The following MEIS2 variants were observed in gnomAD, a reference collection of about 807,000 sequenced individuals.
The protein encoded by MEIS2 is Meis homeobox 2.
In MEIS2, 9 loss-of-function variants were observed where a neutral mutation model predicts 58.6. The observed-to-expected ratio is 0.15, with a 90% CI of 0.09 to 0.27. The LOEUF (loss-of-function observed/expected upper bound fraction) is 0.27. Among genes scored for constraint, MEIS2 ranks in the 10% least tolerant of loss-of-function variants. The probability of loss-of-function intolerance (pLI) is 1.00; values close to 1 mark genes in which losing one functional copy is unlikely to be tolerated. For missense variants in MEIS2, 427 were observed against 635.0 expected (o/e 0.67, Z 3.52); for synonymous variants, 221 against 228.4 (o/e 0.97, Z 0.29).
intron 9 of MEIS2, among the ~76,000 whole-genome samples, chr15:36,940,375 G>T (rs986689748): frequency 4.6e-5 from 7 of 152,098 alleles, no homozygotes; most frequent in African/African-American, 1.7e-4. Context: ...AATTTGTAAT[G>T]TGTAGAAGGG....
chr15:36,933,388 T>C (rs2058051640), intron 9 of MEIS2, among the ~76,000 whole-genome samples: 1 of 152,186 alleles, frequency 6.6e-6, no homozygotes, highest in African/African-American at 2.4e-5. Flanking sequence ...TGCCTGAGAA[T>C]CTAGTCACTG....
intron 8 of MEIS2, among the ~76,000 whole-genome samples, chr15:37,022,864 C>A (rs1053536553): frequency 6.6e-6 from 1 of 151,420 alleles, no homozygotes; most frequent in East Asian, 2.0e-4. Context: ...ACCATCTTGG[C>A]CAGGCTGGTC....
intron 8 of MEIS2, among the ~76,000 whole-genome samples, chr15:37,020,344 AGG>A (rs2061483049): frequency 6.6e-6 from 1 of 152,178 alleles, no homozygotes; most frequent in African/African-American, 2.4e-5. Context: ...AAAGAAAGAG[AGG>A]AAAAAAATCC....
At chr15:36,932,346 A>G (rs143778140) in intron 9 of MEIS2, among the ~76,000 whole-genome samples, 19 of 152,308 alleles carry the variant, frequency 1.2e-4, no homozygotes, top group African/African-American at 4.3e-4. Context: ...TCAGGCCTCT[A>G]TAGTGGCCCT....
intron 8 of MEIS2, among the ~76,000 whole-genome samples, chr15:36,990,985 T>G (rs1036006615): frequency 6.6e-6 from 1 of 152,226 alleles, no homozygotes; most frequent in African/African-American, 2.4e-5. Flanking sequence ...TTATTTTCTG[T>G]GAGTCAAGGG....
chr15:37,095,582 A>G lies in MEIS2; in HGVS notation c.420T>C (p.Asn140=), dbSNP rs774911252. Residue 140 remains asparagine, a synonymous_variant, in exon 4 of 12, where the codon AAT becomes AAC. Coordinates refer to ENST00000561208, the MANE Select transcript of MEIS2 (RefSeq NM_170675.5). ...VRAEKPLFSS[N]PELDNLMIQA... Reference sequence around the variant, plus strand: ...GCCTTACCAAATTGTCCAGCTCTGGATTTGAGGAAAAAAGTGGCTTTTCGG... The same window carrying G: ...GCCTTACCAAATTGTCCAGCTCTGGGTTTGAGGAAAAAAGTGGCTTTTCGG... 1.2e-6 allele frequency: 2 copies of G among 1,614,204 alleles called. No homozygotes were observed. The highest frequency in any genetic ancestry group is 1.7e-6 in the Non-Finnish European group (2 of 1,180,036).
intron 9 of MEIS2, chr15:36,896,935 A>G (rs561850361): frequency 7.6e-6 from 3 of 395,240 alleles, no homozygotes; most frequent in Admixed American, 4.1e-5. Context: ...TCCATGAGAA[A>G]GCTTCTATTA....
At chr15:37,006,600 C>A (rs914254641) in intron 8 of MEIS2, among the ~76,000 whole-genome samples, 9 of 152,184 alleles carry the variant, frequency 5.9e-5, no homozygotes, top group Non-Finnish European at 1.3e-4. Flanking sequence ...TAGCTATATG[C>A]GTCTCTTAAT....
At chr15:37,095,231 G>C (rs893681638) in intron 4 of MEIS2, among the ~76,000 whole-genome samples, 1 of 119,374 alleles carries the variant, frequency 8.4e-6, no homozygotes, top group Non-Finnish European at 1.6e-5. Context: ...TTAGCCGCCC[G>C]GGGCTCGGCC....
At chr15:37,015,491 C>G (rs190940215) in intron 8 of MEIS2, among the ~76,000 whole-genome samples, 18 of 150,698 alleles carry the variant, frequency 1.2e-4, no homozygotes, top group African/African-American at 4.1e-4. Context: ...CACAAACACA[C>G]TTCTAAGGCC....
Position 36,891,739 on chromosome 15 carries a change from T to C in MEIS2, c.*434A>G, listed in dbSNP as rs1053090844. ...TCATTGGCCCAACAGGTTTAAAATATATACCACAGTCTCTCCTGGATGGTG... is the reference window on the plus strand; with the variant it reads ...TCATTGGCCCAACAGGTTTAAAATACATACCACAGTCTCTCCTGGATGGTG... On this transcript the variant is annotated 3_prime_UTR_variant, in exon 12 of 12. Transcript: ENST00000561208. 7 of 172,358 alleles carry C rather than the reference T, an allele frequency of 4.1e-5. No homozygotes were observed. Among genetic ancestry groups the C allele is most frequent in the Admixed American group, 5.6e-5 (1 of 17,996 alleles). The allele number at this position is 172,358 out of a possible 1,614,324, so 10.7% of individuals were successfully genotyped here.
intron 8 of MEIS2, among the ~76,000 whole-genome samples, chr15:36,970,858 G>A (rs572360369): frequency 2.0e-5 from 3 of 152,286 alleles, no homozygotes; most frequent in East Asian, 1.9e-4. Context: ...AGGTGGCTGC[G>A]GGAGGGCACT....
At position 36,995,990 on chromosome 15, in the gene MEIS2, T is replaced by TATGTATATATATGTATATATATATAC. The variant is rs1595890685; in HGVS notation, c.900+40823_900+40824insGTATATATATATACATATATATACAT. Reference sequence around the variant, plus strand: ...ATATATATATATATATATATATATATATATATATATATGTATATATATATA... The same window carrying TATGTATATATATGTATATATATATAC: ...ATATATATATATATATATATATATATATGTATATATATGTATATATATATACATATATATATATGTATATATATATA... On this transcript the variant is annotated intron_variant, in intron 8 of 11. Coordinates refer to ENST00000561208, the MANE Select transcript of MEIS2 (RefSeq NM_170675.5). Among the ~76,000 whole-genome samples the TATGTATATATATGTATATATATATAC allele has an allele frequency of 1.2e-4, 6 of 51,870 alleles. No individual in the cohort carries two copies. The Admixed American group carries it at 1.6e-3, about 13-fold the overall frequency. 34.0% of individuals were successfully genotyped at this position (51,870 alleles called of 152,430 possible).
chr15:36,961,013 G>T (rs886295813), intron 8 of MEIS2, among the ~76,000 whole-genome samples: 12 of 152,028 alleles, frequency 7.9e-5, no homozygotes, highest in African/African-American at 2.7e-4. Context: ...TTATCAATTT[G>T]TTTTTCCTTC....
chr15:36,942,195 C>T (rs1197566982), intron 9 of MEIS2, among the ~76,000 whole-genome samples: 4 of 152,042 alleles, frequency 2.6e-5, no homozygotes, highest in Admixed American at 6.6e-5. Context: ...TCAGCAATGA[C>T]GATTCTGATT....
chr15:36,943,985 A>T (rs1002019607), intron 9 of MEIS2, among the ~76,000 whole-genome samples: 1 of 152,096 alleles, frequency 6.6e-6, no homozygotes, highest in Non-Finnish European at 1.5e-5. Flanking sequence ...ACAAGATAGA[A>T]GGGTGTCTAG....
intron 8 of MEIS2, among the ~76,000 whole-genome samples, chr15:37,027,565 T>G (rs2061748202): frequency 6.6e-6 from 1 of 152,194 alleles, no homozygotes; most frequent in Non-Finnish European, 1.5e-5. Flanking sequence ...AATATGCACA[T>G]GCCTTCTATG....
intron 9 of MEIS2, chr15:36,897,971 G>A (rs529554582): frequency 6.6e-6 from 1 of 152,278 alleles, no homozygotes; most frequent in Admixed American, 6.5e-5. Context: ...CCACTCGGTC[G>A]GGCCTCCTGT....
chr15:37,079,534 A>C (rs1340595200), intron 7 of MEIS2, among the ~76,000 whole-genome samples: 1 of 24,736 alleles, frequency 4.0e-5, no homozygotes, highest in Non-Finnish European at 1.0e-4. Context: ...TAACTGGAAT[A>C]CTTTGGTGGG....
Sources: gnomAD v4.1 joint callset for allele counts (sites outside exome capture counted in the v4.1 genomes callset) on GRCh38, gnomAD v4.1.1 for gene constraint, MANE v1.5 for transcripts, NCBI Gene and HGNC (gene_info 2026-07-23, HGNC 2026-07-21) for gene names.